FRYL: variants seen among roughly 807,000 people sequenced by gnomAD.
FRYL encodes FRY like transcription coactivator.
Under a neutral mutation model 351.2 loss-of-function variants are expected in FRYL, and 150 were observed. The observed-to-expected ratio is 0.43, with a 90% CI of 0.37 to 0.49. FRYL has a LOEUF of 0.49. Among genes scored for constraint, FRYL ranks in the 20% least tolerant of loss-of-function variants. The pLI is 0.00. For missense variants in FRYL, 3,036 were observed against 3,619.3 expected (o/e 0.84, Z 4.13); for synonymous variants, 1,153 against 1,257.1 (o/e 0.92, Z 1.75).
At chr4:48,520,867 T>G (rs1724761510) in intron 55 of FRYL, among the ~76,000 whole-genome samples, 181 bp downstream of exon 55, 1 of 152,224 alleles carries the variant, frequency 6.6e-6, no homozygotes, top group Admixed American at 6.5e-5. Flanking sequence ...TGTAGGTCAT[T>G]TCCTTAATCT....
chr4:48,579,186 T>A lies in FRYL; in HGVS notation c.2315A>T (p.Asn772Ile). Reference sequence around the variant, plus strand: ...AAACTGGTGGCTAATAGGAGAAGAGTTCCATTCTGCTAAAGTTTGTAAATC... The same window carrying A: ...AAACTGGTGGCTAATAGGAGAAGAGATCCATTCTGCTAAAGTTTGTAAATC... ...SIDLQTLAEW[N>I]SSPISHQFDV... is the part of the protein sequence containing the mutation. The change falls in exon 23 of 64, where the codon AAC becomes ATC. Residue 772 changes from asparagine to isoleucine, a missense_variant. By Grantham distance (149) the Asn-to-Ile change is moderately radical (BLOSUM62 -3). Coordinates refer to ENST00000358350, the MANE Select transcript of FRYL (RefSeq NM_015030.2). The A allele has an allele frequency of 1.2e-6, 2 of 1,613,558 alleles. No homozygotes were observed. The highest frequency in any genetic ancestry group is 1.7e-6 in the Non-Finnish European group (2 of 1,179,598).
chr4:48,639,496 A>AAC (rs1409435054), intron 3 of FRYL, among the ~76,000 whole-genome samples: 2 of 151,488 alleles, frequency 1.3e-5, no homozygotes, highest in Non-Finnish European at 2.9e-5. Flanking sequence ...TAAAAAAAAA[A>AAC]ATCTAGATAC....
At chr4:48,756,127 G>C (rs895797646) in intron 1 of FRYL, among the ~76,000 whole-genome samples, 1 of 151,816 alleles carries the variant, frequency 6.6e-6, no homozygotes, top group African/African-American at 2.4e-5. Flanking sequence ...CAGGTGCTCA[G>C]GAGGCCGAGG....
chr4:48,618,521 C>T (rs1190826860), intron 7 of FRYL: 4 of 137,426 alleles, frequency 2.9e-5, no homozygotes, highest in Non-Finnish European at 6.2e-5. Flanking sequence ...CAAAAGAATA[C>T]AATGTTCGTG....
chr4:48,582,723 T>C lies in FRYL; in HGVS notation c.1760A>G (p.His587Arg). 6.2e-7 allele frequency: 1 copy of C among 1,613,404 alleles called. No individual in the cohort carries two copies. Among genetic ancestry groups the C allele is most frequent in the Non-Finnish European group, 8.5e-7 (1 of 1,179,468 alleles). The change falls in exon 20 of 64, where the codon CAT becomes CGT. Residue 587 changes from histidine to arginine, a missense_variant. Physicochemically the swap from His to Arg is conservative, Grantham distance 29. This residue lies in a region of FRYL where 4 missense variants were observed against 17.6 expected (regional missense o/e 0.23). Coordinates refer to ENST00000358350, the MANE Select transcript of FRYL (RefSeq NM_015030.2). ...CAGAGCACGCAGTTCTTCATCCATA[T>C]GAATTGTGAGCCTACCAAGAACAAA... Reference protein sequence around the residue: ...LIELLARLTIHMDEELRALAF... With the variant: ...LIELLARLTIRMDEELRALAF...
intron 7 of FRYL, among the ~76,000 whole-genome samples, chr4:48,613,771 C>G (rs565151265): frequency 6.6e-6 from 1 of 152,128 alleles, no homozygotes; most frequent in African/African-American, 2.4e-5. Flanking sequence ...GCCTGGCCAA[C>G]ATGGTGAAAC....
intron 2 of FRYL, among the ~76,000 whole-genome samples, chr4:48,692,950 A>C (rs1194605293): frequency 1.3e-5 from 2 of 152,232 alleles, no homozygotes; most frequent in Non-Finnish European, 2.9e-5. Context: ...ATCTTTGTAC[A>C]CATCTTTGAT....
intron 13 of FRYL, among the ~76,000 whole-genome samples, chr4:48,599,740 A>G (rs781337893): frequency 3.3e-5 from 5 of 152,186 alleles, no homozygotes; most frequent in Non-Finnish European, 7.3e-5. Context: ...CCTCATGTAC[A>G]GTAAAAATCA....
intron 1 of FRYL, among the ~76,000 whole-genome samples, chr4:48,764,735 G>A: frequency 6.6e-6 from 1 of 152,108 alleles, no homozygotes; most frequent in Non-Finnish European, 1.5e-5. Flanking sequence ...CCATGTTCAC[G>A]AATTGAAAGA....
chr4:48,660,697 G>A (rs1422521872), intron 3 of FRYL, among the ~76,000 whole-genome samples: 2 of 152,138 alleles, frequency 1.3e-5, no homozygotes, highest in Admixed American at 6.5e-5. Flanking sequence ...AGGAGATCAA[G>A]GTTAACATTA....
At chr4:48,768,321 A>G (rs1356354824) in intron 1 of FRYL, among the ~76,000 whole-genome samples, 5 of 152,258 alleles carry the variant, frequency 3.3e-5, no homozygotes, top group African/African-American at 1.2e-4. Context: ...TAATATTAAT[A>G]CATCAAAATA....
intron 19 of FRYL, among the ~76,000 whole-genome samples, 158 bp downstream of exon 19, chr4:48,586,463 C>T (rs1418680835): frequency 6.6e-6 from 1 of 151,124 alleles, no homozygotes; most frequent in East Asian, 1.9e-4. Flanking sequence ...TTAACAACAA[C>T]AAAAAAAGAC....
intron 1 of FRYL, among the ~76,000 whole-genome samples, chr4:48,761,003 CTGTCTGTGTGTGTGTGTGTGTG>C (rs1374090572): frequency 2.5e-5 from 3 of 121,612 alleles, no homozygotes; most frequent in African/African-American, 6.5e-5. Flanking sequence ...TATTATTACT[CTGTCTGTGTGTGTGTGTGTGTG>C]TGTGTGTGTG....
intron 2 of FRYL, among the ~76,000 whole-genome samples, chr4:48,685,335 C>T (rs1304054232): frequency 6.6e-6 from 1 of 152,122 alleles, no homozygotes; most frequent in Non-Finnish European, 1.5e-5. Flanking sequence ...TAAATTTAAA[C>T]AAAATCCATA....
intron 41 of FRYL, among the ~76,000 whole-genome samples, chr4:48,547,170 C>G (rs1342394572): frequency 6.6e-6 from 1 of 152,138 alleles, no homozygotes; most frequent in Non-Finnish European, 1.5e-5. Flanking sequence ...TTGGACTTCA[C>G]TACTTCAAAA....
chr4:48,643,948 ATT>A (rs879512102), intron 3 of FRYL, among the ~76,000 whole-genome samples: 1 of 147,724 alleles, frequency 6.8e-6, no homozygotes, highest in South Asian at 2.1e-4. Context: ...TCCAACTAAA[ATT>A]TTTTTTTTTT....
chr4:48,551,426 T>A, intron 37 of FRYL, 68 bp downstream of exon 37: 1 of 823,464 alleles, frequency 1.2e-6, no homozygotes, highest in Non-Finnish European at 1.9e-6. Context: ...GCAGAAAATA[T>A]CATTTATTCT....
At chr4:48,775,943 A>G (rs1400101564) in intron 1 of FRYL, among the ~76,000 whole-genome samples, 2 of 152,102 alleles carry the variant, frequency 1.3e-5, no homozygotes, top group Non-Finnish European at 2.9e-5. Context: ...AAAGATAAGT[A>G]TATAAAAAAT....
rs1189706370 is a variant in FRYL at position 48,768,235 on chromosome 4, A to C, written c.-384+11843T>G. Among the ~76,000 whole-genome samples the C allele has an allele frequency of 4.6e-5, 7 of 152,238 alleles. No homozygotes were observed. In the East Asian group the frequency reaches 1.2e-3, roughly 25 times the overall value. ...CCAACTAAGTAGATTTACAGATCTC[A>C]TCTGAATTGCGATAGCACTCACAAA... is the stretch of plus-strand genomic sequence containing the variant. On this transcript the variant is annotated intron_variant, in intron 1 of 63. Coordinates refer to ENST00000358350, the MANE Select transcript of FRYL (RefSeq NM_015030.2).
Sources: gnomAD v4.1 joint callset for allele counts (sites outside exome capture counted in the v4.1 genomes callset) on GRCh38, gnomAD v4.1.1 for gene constraint, gnomAD v4.1.1 regional missense constraint, MANE v1.5 for transcripts, NCBI Gene and HGNC (gene_info 2026-07-23, HGNC 2026-07-21) for gene names.